KCNQ1: variants seen among roughly 807,000 people sequenced by gnomAD.
The protein encoded by KCNQ1 is potassium voltage-gated channel subfamily Q member 1.
In KCNQ1, 49 loss-of-function variants were observed where a neutral mutation model predicts 72.4. The observed-to-expected ratio is 0.68, with a 90% CI of 0.54 to 0.86. KCNQ1 has a LOEUF of 0.86. Among genes scored for constraint, KCNQ1 ranks in the 40% least tolerant of loss-of-function variants. The pLI, the probability that KCNQ1 is intolerant of heterozygous loss-of-function variation, is 0.00. For synonymous variants in KCNQ1, 450 were observed against 412.6 expected (o/e 1.09, Z -1.10); for missense variants, 790 against 945.1 (o/e 0.84, Z 2.15).
In KCNQ1 at chr11:2,670,268, T is replaced by C. The variant is rs546652577; in HGVS notation, c.1514+8187T>C. 14 of 398,614 alleles carry C rather than the reference T, an allele frequency of 3.5e-5. No homozygotes were observed. The South Asian group carries it at 1.3e-3, about 36-fold the overall frequency. 24.7% of individuals were successfully genotyped at this position (398,614 alleles called of 1,614,324 possible). A position where few individuals can be genotyped will look rare whatever the true frequency, so the allele number is the denominator to read the frequency against. Reference sequence around the variant, plus strand: ...GACGGGCGAGGGAAGAGGACCATGGTAGCTTGTCTCTAGGCAACCCATAGG... The same window carrying C: ...GACGGGCGAGGGAAGAGGACCATGGCAGCTTGTCTCTAGGCAACCCATAGG... On this transcript the variant is annotated intron_variant, in intron 11 of 15. Coordinates refer to ENST00000155840, the MANE Select transcript of KCNQ1 (RefSeq NM_000218.3). This position sits in a 1 kb window ranked among gnomAD's most constrained non-coding sequence, Gnocchi z 4.9.
chr11:2,772,174 CT>C lies in KCNQ1; in HGVS notation c.1590+3256del, dbSNP rs1846613132. ...GCTGTGTGTGGCTCCAGGGGCTCCC[CT>C]AGCCCACCTCTCAGGATGCTTCCCT... On this transcript the variant is annotated intron_variant, in intron 12 of 15. Coordinates refer to ENST00000155840, the MANE Select transcript of KCNQ1 (RefSeq NM_000218.3). This position sits in a 1 kb window ranked among gnomAD's most constrained non-coding sequence, Gnocchi z 6.6. 6.6e-6 allele frequency among the ~76,000 whole-genome samples: 1 copy of C among 152,034 alleles called. No homozygotes were observed.
Position 2,626,826 on chromosome 11 carries a change from C to A in KCNQ1, c.1394-35135C>A, listed in dbSNP as rs1849269749. On this transcript the variant is annotated intron_variant, in intron 10 of 15. Coordinates refer to ENST00000155840, the MANE Select transcript of KCNQ1 (RefSeq NM_000218.3). This position sits in a 1 kb window ranked among gnomAD's most constrained non-coding sequence, Gnocchi z 4.0. ...TACAGGTGTAGGCCATTGTACCTGG[C>A]CTGTAGTAAGTTTTCAAATCAGAAA... is the stretch of plus-strand genomic sequence containing the variant. 1.5e-5 allele frequency: 6 copies of A among 398,448 alleles called. No individual in the cohort carries two copies. The highest frequency in any genetic ancestry group is 2.7e-5 in the Non-Finnish European group (6 of 226,074). 24.7% of individuals were successfully genotyped at this position (398,448 alleles called of 1,614,324 possible).
At chr11:2,472,193 CTA>C (rs1482620286) in intron 1 of KCNQ1, among the ~76,000 whole-genome samples, 6 of 121,348 alleles carry the variant, frequency 4.9e-5, no homozygotes, top group South Asian at 2.7e-4. Flanking sequence ...ATGTGCATGT[CTA>C]TGTGTGCACA....
At position 2,549,786 on chromosome 11, in the gene KCNQ1, C is replaced by T. The variant is rs973032878; in HGVS notation, c.478-20842C>T. ...AGCACGTGGCCCCCAGTCATGAGTACCCCAGGCCCCTATGCGCCTCCTTCC... is the reference window on the plus strand; with the variant it reads ...AGCACGTGGCCCCCAGTCATGAGTATCCCAGGCCCCTATGCGCCTCCTTCC... On this transcript the variant is annotated intron_variant, in intron 2 of 15. Coordinates refer to ENST00000155840, the MANE Select transcript of KCNQ1 (RefSeq NM_000218.3). This position sits in a 1 kb window ranked among gnomAD's most constrained non-coding sequence, Gnocchi z 6.2. Among the ~76,000 whole-genome samples the T allele has an allele frequency of 2.6e-5, 4 of 152,076 alleles. No individual in the cohort carries two copies. The highest frequency in any genetic ancestry group is 4.8e-5 in the African/African-American group (2 of 41,428).
chr11:2,684,993 T>C (rs1047104675), intron 11 of KCNQ1: 8 of 398,580 alleles, frequency 2.0e-5, no homozygotes, highest in Non-Finnish European at 3.1e-5. Flanking sequence ...GACTGGTTGC[T>C]TTTCATTCAT....
chr11:2,554,008 T>A (rs570026021), intron 2 of KCNQ1, among the ~76,000 whole-genome samples: 1 of 152,348 alleles, frequency 6.6e-6, no homozygotes, highest in East Asian at 1.9e-4. Flanking sequence ...TGAGCCACCA[T>A]GCCCAGCTGT....
chr11:2,574,434 G>C (rs953956279), intron 6 of KCNQ1, among the ~76,000 whole-genome samples: 1 of 151,834 alleles, frequency 6.6e-6, no homozygotes, highest in East Asian at 1.9e-4. Context: ...CACAGGGTGG[G>C]AGCCAAGGCC....
In KCNQ1 at chr11:2,818,194, G is replaced by T. The variant is rs1428448015; in HGVS notation, c.1795-29573G>T. Among the ~76,000 whole-genome samples the T allele has an allele frequency of 6.6e-6, 1 of 152,166 alleles. No individual in the cohort carries two copies. Among genetic ancestry groups the T allele is most frequent in the Non-Finnish European group, 1.5e-5 (1 of 68,030 alleles). ...CTTCCGAGCCCTAGGAAAGGGTCTT[G>T]TCTGCTCTTCCCCTCAGTGTCAGGT... is the stretch of plus-strand genomic sequence containing the variant. On this transcript the variant is annotated intron_variant, in intron 15 of 15. Coordinates refer to ENST00000155840, the MANE Select transcript of KCNQ1 (RefSeq NM_000218.3). The surrounding 1 kb of genome is among the most constrained non-coding windows in gnomAD (Gnocchi z 7.2).
rs1038136059 is a variant in KCNQ1 at position 2,828,371 on chromosome 11, G to T, written c.1795-19396G>T. ...GAATCCCACTAAGGTGACAGTAAAG[G>T]CATGAAAAACATGGAAACATGTAAA... is the stretch of plus-strand genomic sequence containing the variant. On this transcript the variant is annotated intron_variant, in intron 15 of 15. Transcript: ENST00000155840. This position sits in a 1 kb window ranked among gnomAD's most constrained non-coding sequence, Gnocchi z 5.3. Among the ~76,000 whole-genome samples the T allele has an allele frequency of 6.6e-6, 1 of 152,204 alleles. No individual in the cohort carries two copies. Among genetic ancestry groups the T allele is most frequent in the Non-Finnish European group, 1.5e-5 (1 of 68,026 alleles).
rs1273293978 is a variant in KCNQ1, at chr11:2,745,600, G to A, written c.1515-23244G>A. Among the ~76,000 whole-genome samples, 5 of 152,238 alleles carry A rather than the reference G, an allele frequency of 3.3e-5. No individual in the cohort carries two copies. The highest frequency in any genetic ancestry group is 2.1e-4 in the South Asian group (1 of 4,834). Reference sequence around the variant, plus strand: ...AGGCCCCCATTCCCCAGCCCCTAATGTTCTTGCCTCATGTCTTCAGGTGCG... The same window carrying A: ...AGGCCCCCATTCCCCAGCCCCTAATATTCTTGCCTCATGTCTTCAGGTGCG... On this transcript the variant is annotated intron_variant, in intron 11 of 15. Coordinates refer to ENST00000155840, the MANE Select transcript of KCNQ1 (RefSeq NM_000218.3). This position sits in a 1 kb window ranked among gnomAD's most constrained non-coding sequence, Gnocchi z 6.2.
chr11:2,554,303 A>G (rs1209768190), intron 2 of KCNQ1, among the ~76,000 whole-genome samples: 1 of 152,258 alleles, frequency 6.6e-6, no homozygotes, highest in Non-Finnish European at 1.5e-5. Flanking sequence ...GAAGTTTGCC[A>G]TTGGAAAGTC....
rs548715579 is a variant in KCNQ1 at position 2,750,902 on chromosome 11, C to T, written c.1515-17942C>T. ...CCTCATAATCTCCCCAGGATTTAAA[C>T]GGGGTCCTCCCCAGCTGCCTGCCTA... On this transcript the variant is annotated intron_variant, in intron 11 of 15. Coordinates refer to ENST00000155840, the MANE Select transcript of KCNQ1 (RefSeq NM_000218.3). This position sits in a 1 kb window ranked among gnomAD's most constrained non-coding sequence, Gnocchi z 6.3. Among the ~76,000 whole-genome samples the T allele has an allele frequency of 1.3e-5, 2 of 152,318 alleles. No individual in the cohort carries two copies. The highest frequency in any genetic ancestry group is 1.9e-4 in the East Asian group (1 of 5,176).
rs1850979793 is a variant in KCNQ1, at chr11:2,710,121, C to T, written c.1514+48040C>T. On this transcript the variant is annotated intron_variant, in intron 11 of 15. Transcript: ENST00000155840. This position sits in a 1 kb window ranked among gnomAD's most constrained non-coding sequence, Gnocchi z 4.1. ...TTCCCACCAGTAGTGTATGTGAGTT[C>T]CTATCTCTCCACATTCTCACCAACA... 6.6e-6 allele frequency among the ~76,000 whole-genome samples: 1 copy of T among 152,192 alleles called. No homozygotes were observed. The highest frequency in any genetic ancestry group is 1.5e-5 in the Non-Finnish European group (1 of 68,026).
At position 2,673,531 on chromosome 11, in the gene KCNQ1, T is replaced by C. The variant is rs1248274670; in HGVS notation, c.1514+11450T>C. ...TTGATGCTGACAGCCTGTAGAAAGA[T>C]TGCTCTCAGCCTATCCCCTCCCTGG... On this transcript the variant is annotated intron_variant, in intron 11 of 15. Transcript: ENST00000155840. The surrounding 1 kb of genome is among the most constrained non-coding windows in gnomAD (Gnocchi z 4.5). 1.5e-5 allele frequency: 6 copies of C among 398,476 alleles called. No individual in the cohort carries two copies. The highest frequency in any genetic ancestry group is 8.2e-5 in the African/African-American group (4 of 48,610). 24.7% of individuals were successfully genotyped at this position (398,476 alleles called of 1,614,324 possible).
chr11:2,763,085 G>A (rs1846434643), intron 11 of KCNQ1, among the ~76,000 whole-genome samples: 1 of 152,156 alleles, frequency 6.6e-6, no homozygotes, highest in Non-Finnish European at 1.5e-5. Context: ...CAAACAAAAA[G>A]CACTGTGATA....
chr11:2,793,261 C>T (rs570389056), intron 15 of KCNQ1, among the ~76,000 whole-genome samples: 5 of 152,180 alleles, frequency 3.3e-5, no homozygotes, highest in African/African-American at 1.2e-4. Context: ...TATCCAATAA[C>T]GGGTGGAAAT....
intron 1 of KCNQ1, among the ~76,000 whole-genome samples, chr11:2,467,463 C>T (rs1332137409): frequency 3.3e-5 from 5 of 152,114 alleles, no homozygotes; most frequent in Non-Finnish European, 7.4e-5. Flanking sequence ...ATGGTGTGGC[C>T]GGGGGCTCAG....
intron 1 of KCNQ1, among the ~76,000 whole-genome samples, chr11:2,472,137 G>GGT (rs528285101): frequency 6.7e-6 from 1 of 149,226 alleles, no homozygotes; most frequent in South Asian, 2.1e-4. Context: ...CATGCGTATA[G>GGT]GTGTGTGTGT....
chr11:2,532,557 G>T (rs543397281), intron 2 of KCNQ1, among the ~76,000 whole-genome samples: 2 of 152,202 alleles, frequency 1.3e-5, no homozygotes, highest in Non-Finnish European at 2.9e-5. Flanking sequence ...CTTGACAGGC[G>T]GATGTACAGA....
Sources: gnomAD v4.1 joint callset for allele counts (sites outside exome capture counted in the v4.1 genomes callset) on GRCh38, gnomAD v4.1.1 for gene constraint, Gnocchi (gnomAD v3.1) non-coding constraint, MANE v1.5 for transcripts, NCBI Gene and HGNC (gene_info 2026-07-23, HGNC 2026-07-21) for gene names.